The following DCLK1 variants were observed in gnomAD, a reference collection of about 807,000 sequenced individuals.
The protein encoded by DCLK1 is doublecortin like kinase 1, also known as serine/threonine-protein kinase DCLK1.
Under a neutral mutation model 86.2 loss-of-function variants are expected in DCLK1, and 16 were observed. The ratio of observed to expected loss-of-function variants is 0.19; its 90% CI spans 0.13 to 0.28. DCLK1 has a LOEUF of 0.28. DCLK1 is among the 10% of genes least tolerant of loss of function. The pLI is 1.00. For missense variants in DCLK1, 590 were observed against 940.2 expected (o/e 0.63, Z 4.87); for synonymous variants, 369 against 370.5 (o/e 1.00, Z 0.05).
At chr13:35,855,600 G>A (rs879884289) in intron 5 of DCLK1, 56 of 1,556,460 alleles carry the variant, frequency 3.6e-5, no homozygotes, top group East Asian at 1.9e-4. Context: ...AAGCACCCGC[G>A]GAAATGGGAA....
chr13:36,080,774 G>A (rs577899134), intron 3 of DCLK1, among the ~76,000 whole-genome samples: 107 of 152,268 alleles, frequency 7.0e-4, no homozygotes, highest in Non-Finnish European at 1.0e-3. Flanking sequence ...CTGTGATGAG[G>A]AATCCCTTTC....
chr13:35,871,173 T>C, intron 5 of DCLK1, 51 bp downstream of exon 5: 1 of 1,465,162 alleles, frequency 6.8e-7, no homozygotes, highest in South Asian at 1.1e-5. Flanking sequence ...CCTCTGCTCA[T>C]CCTGTGTCAG....
intron 4 of DCLK1, among the ~76,000 whole-genome samples, chr13:35,889,748 C>T (rs1283772929): frequency 6.6e-6 from 1 of 152,082 alleles, no homozygotes; most frequent in Non-Finnish European, 1.5e-5. Flanking sequence ...TTTGACAAAC[C>T]TCTCCTATTA....
chr13:36,008,814 G>A (rs1314937134), intron 3 of DCLK1, among the ~76,000 whole-genome samples: 3 of 151,208 alleles, frequency 2.0e-5, no homozygotes, highest in Admixed American at 2.0e-4. Flanking sequence ...CTTCCACAAT[G>A]GTTGAACTAG....
intron 3 of DCLK1, among the ~76,000 whole-genome samples, chr13:36,064,040 G>C (rs1883655093): frequency 1.3e-5 from 2 of 152,098 alleles, no homozygotes; most frequent in South Asian, 4.1e-4. Context: ...AAGTAATAAA[G>C]GTATGATAAA....
chr13:35,884,121 T>C (rs910065502), intron 4 of DCLK1, among the ~76,000 whole-genome samples: 1 of 151,774 alleles, frequency 6.6e-6, no homozygotes, highest in Non-Finnish European at 1.5e-5. Context: ...GCTCTTGCCA[T>C]TCTCCTGTGG....
At chr13:36,021,844 T>C (rs1926326) in intron 3 of DCLK1, among the ~76,000 whole-genome samples, 7,166 of 151,946 alleles carry the variant, frequency 0.047, 174 homozygotes, top group Middle Eastern at 0.092. Flanking sequence ...ATAAAACAAC[T>C]AGGCAGAAGA....
chr13:35,811,192 A>G (rs1311288823), intron 11 of DCLK1, among the ~76,000 whole-genome samples: 1 of 152,260 alleles, frequency 6.6e-6, no homozygotes, highest in Non-Finnish European at 1.5e-5. Context: ...GATTAAATAA[A>G]TTATAGTACA....
chr13:35,963,030 C>T lies in DCLK1; in HGVS notation c.724-15573G>A, dbSNP rs138866452. ...CTTCTAAGATAGAAACAAGGAATCACGACAATGCCCCAAGAACAAGTGAAT... is the reference window on the plus strand; with the variant it reads ...CTTCTAAGATAGAAACAAGGAATCATGACAATGCCCCAAGAACAAGTGAAT... On this transcript the variant is annotated intron_variant, in intron 3 of 16. Transcript: ENST00000360631. 8.7e-4 allele frequency among the ~76,000 whole-genome samples: 133 copies of T among 152,268 alleles called. 1 individual carries two copies. In the South Asian group the frequency reaches 0.022, roughly 25 times the overall value.
chr13:35,958,183 C>T (rs1189290452), intron 3 of DCLK1, among the ~76,000 whole-genome samples: 246 of 147,804 alleles, frequency 1.7e-3, no homozygotes, highest in African/African-American at 6.2e-3. Context: ...ACCACTATAA[C>T]CACCACTACC....
chr13:35,876,686 G>A (rs1409755728), intron 4 of DCLK1, among the ~76,000 whole-genome samples: 2 of 152,160 alleles, frequency 1.3e-5, no homozygotes, highest in African/African-American at 4.8e-5. Context: ...TGACACAAAG[G>A]ACATTTTCAT....
chr13:35,828,485 G>C (rs931374470), intron 8 of DCLK1, among the ~76,000 whole-genome samples, 178 bp from the exon 9 acceptor site: 20 of 152,040 alleles, frequency 1.3e-4, no homozygotes, highest in African/African-American at 4.8e-4. Flanking sequence ...TTGATGGACT[G>C]ACCAAGTGTA....
At chr13:35,887,325 T>C (rs1481966960) in intron 4 of DCLK1, among the ~76,000 whole-genome samples, 2 of 152,210 alleles carry the variant, frequency 1.3e-5, no homozygotes, top group Non-Finnish European at 2.9e-5. Context: ...TAGGCTGGAC[T>C]TGCATATTTA....
chr13:36,017,775 C>G (rs1012100288), intron 3 of DCLK1, among the ~76,000 whole-genome samples: 2 of 152,072 alleles, frequency 1.3e-5, no homozygotes, highest in Non-Finnish European at 2.9e-5. Context: ...AAAAAGCAGC[C>G]GCATTTTATT....
At chr13:35,846,209 G>GA in intron 6 of DCLK1, 3 of 985,218 alleles carry the variant, frequency 3.0e-6, no homozygotes, top group Non-Finnish European at 3.6e-6. Flanking sequence ...ACTGTGAGCA[G>GA]AAAGTATGTA....
At chr13:35,950,299 A>G (rs1027005057) in intron 3 of DCLK1, among the ~76,000 whole-genome samples, 1 of 152,256 alleles carries the variant, frequency 6.6e-6, no homozygotes, top group Non-Finnish European at 1.5e-5. Flanking sequence ...CTCATGCATT[A>G]TCATTGATAC....
At chr13:35,837,750 C>A (rs980974613) in intron 7 of DCLK1, among the ~76,000 whole-genome samples, 2 of 151,974 alleles carry the variant, frequency 1.3e-5, no homozygotes, top group Non-Finnish European at 2.9e-5. Context: ...ATAAAAGGTA[C>A]CTTTCCTCAC....
chr13:36,100,580 CTTA>C (rs1384001070), intron 3 of DCLK1, among the ~76,000 whole-genome samples: 1 of 152,074 alleles, frequency 6.6e-6, no homozygotes, highest in Non-Finnish European at 1.5e-5. Flanking sequence ...ATTTCTAGGG[CTTA>C]TTATTTTTTC....
chr13:35,979,958 T>A (rs1050059246), intron 3 of DCLK1, among the ~76,000 whole-genome samples: 3 of 152,204 alleles, frequency 2.0e-5, no homozygotes, highest in African/African-American at 7.2e-5. Context: ...CAAAATCCCA[T>A]CTACTTGGGA....
Sources: allele counts gnomAD v4.1 joint callset (sites outside exome capture counted in the v4.1 genomes callset), GRCh38; gene constraint gnomAD v4.1.1; transcripts MANE v1.5; gene names NCBI Gene and HGNC (gene_info 2026-07-23, HGNC 2026-07-21).